The following PCDHGA7 variants were observed in gnomAD, a reference collection of about 807,000 sequenced individuals.
The protein encoded by PCDHGA7 is protocadherin gamma-A7.
PCDHGA7 carries 44 observed loss-of-function variants against 58.3 expected under a neutral mutation model. The ratio of observed to expected loss-of-function variants is 0.75; its 90% CI spans 0.59 to 0.97. PCDHGA7 has a LOEUF of 0.97. PCDHGA7 is among the 50% of genes least tolerant of loss of function. PCDHGA7 has a pLI of 0.00. For missense variants in PCDHGA7, 1,266 were observed against 1,188.7 expected (o/e 1.06, Z -0.96); for synonymous variants, 516 against 504.2 (o/e 1.02, Z -0.31).
In PCDHGA7 at chr5:141,415,213, G is replaced by A. The variant is rs750613524; in HGVS notation, c.2424+29890G>A. On this transcript the variant is annotated intron_variant, in intron 1 of 3. Coordinates refer to ENST00000518325, the MANE Select transcript of PCDHGA7 (RefSeq NM_018920.4). ...CATCCCCCAAGTCCTGGCGGACCTC[G>A]GCAGCTTCGAGTCTCCAGCTAACTC... 1.9e-6 allele frequency: 3 copies of A among 1,614,074 alleles called. No individual in the cohort carries two copies. In the East Asian group the frequency reaches 6.7e-5, roughly 36 times the overall value.
intron 1 of PCDHGA7, among the ~76,000 whole-genome samples, chr5:141,461,148 A>G (rs1293565790): frequency 1.3e-5 from 2 of 152,090 alleles, no homozygotes; most frequent in Non-Finnish European, 2.9e-5. Context: ...CTTTGGGTAG[A>G]TACCCAATAG....
chr5:141,482,500 G>T (rs1409735210), intron 1 of PCDHGA7, among the ~76,000 whole-genome samples: 1 of 133,788 alleles, frequency 7.5e-6, no homozygotes, highest in Non-Finnish European at 1.5e-5. Flanking sequence ...TATCATTCTG[G>T]TACCCAGAGT....
chr5:141,399,081 G>A (rs1336220348), intron 1 of PCDHGA7: 2 of 1,613,758 alleles, frequency 1.2e-6, no homozygotes, highest in African/African-American at 1.3e-5. Context: ...TAGAAGGGAG[G>A]GATGGTGGTG....
intron 1 of PCDHGA7, among the ~76,000 whole-genome samples, chr5:141,401,643 A>G (rs973841801): frequency 6.6e-6 from 1 of 152,262 alleles, no homozygotes; most frequent in African/African-American, 2.4e-5. Context: ...AGCTTTAAAT[A>G]TAAATGACTG....
chr5:141,436,383 G>A (rs1374382672), intron 1 of PCDHGA7, among the ~76,000 whole-genome samples: 1 of 152,104 alleles, frequency 6.6e-6, no homozygotes, highest in Admixed American at 6.5e-5. Flanking sequence ...AGCTGAATAG[G>A]CTTTATTAAA....
chr5:141,462,552 T>A (rs966816379), intron 1 of PCDHGA7, among the ~76,000 whole-genome samples: 1 of 152,194 alleles, frequency 6.6e-6, no homozygotes, highest in Non-Finnish European at 1.5e-5. Context: ...TCTTCTTCAG[T>A]GTTTACTGTA....
At chr5:141,501,809 A>G (rs2099811165) in intron 2 of PCDHGA7, among the ~76,000 whole-genome samples, 1 of 152,176 alleles carries the variant, frequency 6.6e-6, no homozygotes, top group African/African-American at 2.4e-5. Flanking sequence ...ACCCAGCTTC[A>G]CATAATTGGC....
In PCDHGA7 at chr5:141,431,538, AGCTGCTTGTAGTCAAC is replaced by A; in HGVS notation, c.2424+46219_2424+46234del. 2 of 1,614,114 alleles carry A rather than the reference AGCTGCTTGTAGTCAAC, an allele frequency of 1.2e-6. No homozygotes were observed. Among genetic ancestry groups the A allele is most frequent in the Non-Finnish European group, 1.7e-6 (2 of 1,180,024 alleles). ...CCGGAGAATCTGGCCTTGGGCACGC[AGCTGCTTGTAGTCAAC>A]GCTACCGACCCTGACGAAGGAGTCA... On this transcript the variant is annotated intron_variant, in intron 1 of 3. Coordinates refer to ENST00000518325, the MANE Select transcript of PCDHGA7 (RefSeq NM_018920.4). This position sits in a 1 kb window ranked among gnomAD's most constrained non-coding sequence, Gnocchi z 4.8.
chr5:141,431,435 GC>G lies in PCDHGA7; in HGVS notation c.2424+46113del. On this transcript the variant is annotated intron_variant, in intron 1 of 3. Coordinates refer to ENST00000518325, the MANE Select transcript of PCDHGA7 (RefSeq NM_018920.4). The surrounding 1 kb of genome is among the most constrained non-coding windows in gnomAD (Gnocchi z 4.8). The stretch of plus-strand genomic sequence containing the variant: ...GGGCGACCCGGTGCGCACAGGCACC[GC>G]GCGCATCCGCGTGATGGTTCTGGAT... 1.9e-6 allele frequency: 3 copies of G among 1,613,668 alleles called. No individual in the cohort carries two copies. The highest frequency in any genetic ancestry group is 2.5e-6 in the Non-Finnish European group (3 of 1,180,026).
chr5:141,399,665 A>T, intron 1 of PCDHGA7: 14 of 1,613,648 alleles, frequency 8.7e-6, no homozygotes, highest in Non-Finnish European at 1.2e-5. Flanking sequence ...GTGTTCGCGC[A>T]GCGCGCCTTT....
rs1005709757 is a variant in PCDHGA7 at position 141,495,051 on chromosome 5, A to G, written c.2483+186A>G. Among the ~76,000 whole-genome samples, 3 of 152,042 alleles carry G rather than the reference A, an allele frequency of 2.0e-5. No homozygotes were observed. In the East Asian group the frequency reaches 5.8e-4, roughly 29 times the overall value. On this transcript the variant is annotated intron_variant, in intron 2 of 3. Transcript: ENST00000518325. ...CCGGAAGGAAGAGGCGACTGCCCTG[A>G]CTGTTCAGGAAGCTCAATTCACATG... is the stretch of plus-strand genomic sequence containing the variant.
intron 1 of PCDHGA7, chr5:141,407,957 G>A: frequency 1.5e-6 from 1 of 660,494 alleles, no homozygotes; most frequent in Non-Finnish European, 2.4e-6. Flanking sequence ...GGCCAGTGCA[G>A]AGCAAGCGCT....
intron 1 of PCDHGA7, chr5:141,409,602 C>T (rs940700383): frequency 6.2e-7 from 1 of 1,613,932 alleles, no homozygotes; most frequent in South Asian, 1.1e-5. Flanking sequence ...AACAACCCGC[C>T]AGGAGCCTCC....
rs367905789 is a variant in PCDHGA7 at position 141,487,335 on chromosome 5, G to A, written c.2425-7472G>A. 11 of 1,614,064 alleles carry A rather than the reference G, an allele frequency of 6.8e-6. No individual in the cohort carries two copies. The highest frequency in any genetic ancestry group is 8.5e-6 in the Non-Finnish European group (10 of 1,180,044). Reference sequence around the variant, plus strand: ...TCTAAGTGTCTTCGTGGGGCAGCCTGTGGAGTCACATGCTTTCCTGCTGGC... The same window carrying A: ...TCTAAGTGTCTTCGTGGGGCAGCCTATGGAGTCACATGCTTTCCTGCTGGC... On this transcript the variant is annotated intron_variant, in intron 1 of 3. Transcript: ENST00000518325. This position sits in a 1 kb window ranked among gnomAD's most constrained non-coding sequence, Gnocchi z 5.0.
intron 1 of PCDHGA7, among the ~76,000 whole-genome samples, chr5:141,457,124 ACT>A (rs1304231701): frequency 6.6e-6 from 1 of 152,158 alleles, no homozygotes; most frequent in Non-Finnish European, 1.5e-5. Context: ...AGCAATGGAA[ACT>A]CTGTCCAATA....
At chr5:141,473,733 G>A (rs943072050) in intron 1 of PCDHGA7, among the ~76,000 whole-genome samples, 19 of 152,214 alleles carry the variant, frequency 1.2e-4, no homozygotes, top group Admixed American at 3.9e-4. Flanking sequence ...GAGAGAGGGA[G>A]AAGACATGAG....
At chr5:141,411,250 T>C (rs1009574489) in intron 1 of PCDHGA7, 1 of 152,156 alleles carries the variant, frequency 6.6e-6, no homozygotes, top group African/African-American at 2.4e-5. Context: ...ATTTACGATA[T>C]CTTATTTATA....
At position 141,489,076 on chromosome 5, in the gene PCDHGA7, C is replaced by T. The variant is rs536134432; in HGVS notation, c.2425-5731C>T. The T allele has an allele frequency of 6.1e-6, 2 of 326,424 alleles. No individual in the cohort carries two copies. Among genetic ancestry groups the T allele is most frequent in the East Asian group, 5.8e-5 (1 of 17,220 alleles). 20.2% of individuals were successfully genotyped at this position (326,424 alleles called of 1,614,324 possible). On this transcript the variant is annotated intron_variant, in intron 1 of 3. Coordinates refer to ENST00000518325, the MANE Select transcript of PCDHGA7 (RefSeq NM_018920.4). The surrounding 1 kb of genome is among the most constrained non-coding windows in gnomAD (Gnocchi z 4.5). The stretch of plus-strand genomic sequence containing the variant: ...CAGCTCCCCTCCCCCCTGCCCACCC[C>T]CGCCACTCGGTGACTAAGAACTGCT...
chr5:141,391,030 G>A (rs2092291091), intron 1 of PCDHGA7: 1 of 152,184 alleles, frequency 6.6e-6, no homozygotes, highest in Non-Finnish European at 1.5e-5. Flanking sequence ...AAAAGACAAT[G>A]TTTTGTGTCT....
Sources: allele counts gnomAD v4.1 joint callset (sites outside exome capture counted in the v4.1 genomes callset), GRCh38; gene constraint gnomAD v4.1.1; non-coding constraint Gnocchi (gnomAD v3.1); transcripts MANE v1.5; gene names NCBI Gene and HGNC (gene_info 2026-07-23, HGNC 2026-07-21).